The following FAM117B variants were observed in gnomAD, a reference collection of about 807,000 sequenced individuals.
FAM117B encodes the protein protein FAM117B.
FAM117B carries 22 observed loss-of-function variants against 52.8 expected under a neutral mutation model. That is an observed-to-expected ratio of 0.42 (90% confidence interval 0.30 to 0.59). The LOEUF is 0.59. Ranked by LOEUF, FAM117B falls within the 20% of genes least tolerant of loss-of-function variation. The pLI, the probability that FAM117B is intolerant of heterozygous loss-of-function variation, is 0.22. For missense variants in FAM117B, 678 were observed against 802.6 expected, an observed-to-expected ratio of 0.84 and a Z score of 1.88; for synonymous variants, 309 against 324.1, an observed-to-expected ratio of 0.95 and a Z score of 0.50.
intron 2 of FAM117B, among the ~76,000 whole-genome samples, chr2:202,702,346 A>G (rs1690806655): frequency 6.6e-6 from 1 of 152,046 alleles, no homozygotes; most frequent in African/African-American, 2.4e-5. Flanking sequence ...AGCTGAGATC[A>G]CACCATTGCA....
intron 1 of FAM117B, among the ~76,000 whole-genome samples, chr2:202,655,761 A>AGTGTGTGTGTGTGTGTGTGTGTGT (rs1182174843): frequency 2.0e-5 from 2 of 100,372 alleles, no homozygotes; most frequent in African/African-American, 3.4e-5. Flanking sequence ...AGAGAGAGAG[A>AGTGTGTGTGTGTGTGTGTGTGTGT]GTGTGTGTGT....
Position 202,768,943 on chromosome 2 carries a change from GT to G in FAM117B, c.*3182del, listed in dbSNP as rs1392735891. On this transcript the variant is annotated 3_prime_UTR_variant, in exon 8 of 8. Coordinates refer to ENST00000392238, the MANE Select transcript of FAM117B (RefSeq NM_173511.4). ...ATGATAAAAATAATATAAATTTACTGTTTCTGATCATGACTGAGTCTATTAC... is the reference window on the plus strand; with the variant it reads ...ATGATAAAAATAATATAAATTTACTGTTCTGATCATGACTGAGTCTATTAC... 6.6e-6 allele frequency: 1 copy of G among 151,866 alleles called. No individual in the cohort carries two copies. Among genetic ancestry groups the G allele is most frequent in the Admixed American group, 6.6e-5 (1 of 15,240 alleles). The allele number at this position is 151,866 out of a possible 1,614,324, so 9.4% of individuals were successfully genotyped here.
intron 1 of FAM117B, among the ~76,000 whole-genome samples, chr2:202,675,472 C>CAAG (rs1452474701): frequency 9.2e-6 from 1 of 109,002 alleles, no homozygotes; most frequent in Non-Finnish European, 2.0e-5. Context: ...AAAAAAAGGC[C>CAAG]AAGTGCTACC....
Position 202,766,083 on chromosome 2 carries a change from CACACACACACACACACACA to C in FAM117B, c.*320_*338del. The C allele has an allele frequency of 8.6e-6, 2 of 232,744 alleles. No individual in the cohort carries two copies. Among genetic ancestry groups the C allele is most frequent in the South Asian group, 7.3e-5 (1 of 13,754 alleles). The allele number at this position is 232,744 out of a possible 1,614,324, so 14.4% of individuals were successfully genotyped here. A position where few individuals can be genotyped will look rare whatever the true frequency, so the allele number is the denominator to read the frequency against. ...TAAAACACACACACACACACACACA[CACACACACACACACACACA>C]CACACCCCTGATCCTTGCCAACATG... is the stretch of plus-strand genomic sequence containing the variant. On this transcript the variant is annotated 3_prime_UTR_variant, in exon 8 of 8. Transcript: ENST00000392238.
At chr2:202,647,525 G>C (rs981259259) in intron 1 of FAM117B, among the ~76,000 whole-genome samples, 2 of 152,124 alleles carry the variant, frequency 1.3e-5, no homozygotes, top group African/African-American at 4.8e-5. Flanking sequence ...TTTCTTCTTT[G>C]ATCTTGATGC....
chr2:202,638,385 TG>T (rs1239695990), intron 1 of FAM117B, among the ~76,000 whole-genome samples: 3 of 152,142 alleles, frequency 2.0e-5, no homozygotes, highest in Non-Finnish European at 2.9e-5. Context: ...TGAGGAGAAC[TG>T]GGTTGAATTA....
chr2:202,654,480 C>G (rs1385862829), intron 1 of FAM117B, among the ~76,000 whole-genome samples: 2 of 151,978 alleles, frequency 1.3e-5, no homozygotes, highest in Non-Finnish European at 2.9e-5. Flanking sequence ...CTTCAATAAT[C>G]CTGGAAATCT....
intron 7 of FAM117B, among the ~76,000 whole-genome samples, chr2:202,763,073 T>TC (rs1457587088): frequency 3.5e-5 from 5 of 142,860 alleles, no homozygotes; most frequent in African/African-American, 1.1e-4. Context: ...CTTAAGTCTT[T>TC]TTTTTTTTTT....
At chr2:202,672,608 C>T (rs1690315324) in intron 1 of FAM117B, among the ~76,000 whole-genome samples, 1 of 152,200 alleles carries the variant, frequency 6.6e-6, no homozygotes, top group Non-Finnish European at 1.5e-5. Flanking sequence ...TGAAACTTCA[C>T]ATTCTTATAT....
At chr2:202,715,146 C>A (rs1358733074) in intron 2 of FAM117B, among the ~76,000 whole-genome samples, 2 of 150,090 alleles carry the variant, frequency 1.3e-5, no homozygotes, top group African/African-American at 4.9e-5. Flanking sequence ...GACGGGGCGG[C>A]TGGCCGGGCA....
intron 1 of FAM117B, among the ~76,000 whole-genome samples, chr2:202,640,275 AACCACC>A (rs1031219951): frequency 4.7e-5 from 6 of 128,470 alleles, no homozygotes; most frequent in South Asian, 2.5e-4. Context: ...CCGTCACAAC[AACCACC>A]ACCACCACCA....
At chr2:202,742,755 C>T (rs554364563) in intron 4 of FAM117B, among the ~76,000 whole-genome samples, 1 of 151,944 alleles carries the variant, frequency 6.6e-6, no homozygotes, top group African/African-American at 2.4e-5. Context: ...CAACATATAC[C>T]ACAGACACAA....
chr2:202,708,905 C>G (rs1405414204), intron 2 of FAM117B, among the ~76,000 whole-genome samples: 2 of 152,154 alleles, frequency 1.3e-5, no homozygotes, highest in Non-Finnish European at 2.9e-5. Flanking sequence ...TAGGCCCAGC[C>G]AATTTTTAAT....
intron 4 of FAM117B, among the ~76,000 whole-genome samples, chr2:202,740,484 T>G (rs1691516125): frequency 6.6e-6 from 1 of 152,170 alleles, no homozygotes; most frequent in Non-Finnish European, 1.5e-5. Flanking sequence ...TTGCTTTGCA[T>G]TATTACTGTA....
At chr2:202,710,180 G>A (rs1446263747) in intron 2 of FAM117B, among the ~76,000 whole-genome samples, 1 of 152,162 alleles carries the variant, frequency 6.6e-6, no homozygotes, top group East Asian at 1.9e-4. Context: ...GATTTTGATA[G>A]GGATTGCATT....
At chr2:202,742,702 A>G (rs1399155208) in intron 4 of FAM117B, among the ~76,000 whole-genome samples, 1 of 152,240 alleles carries the variant, frequency 6.6e-6, no homozygotes, top group African/African-American at 2.4e-5. Flanking sequence ...GGCAGAAAAC[A>G]TTATAAACCA....
At chr2:202,763,035 T>C (rs1236954141) in intron 7 of FAM117B, among the ~76,000 whole-genome samples, 1 of 150,788 alleles carries the variant, frequency 6.6e-6, no homozygotes. Flanking sequence ...TGAAGTTTCA[T>C]CCCAGAGACC....
intron 2 of FAM117B, among the ~76,000 whole-genome samples, chr2:202,723,797 G>C (rs1182047293): frequency 2.6e-5 from 4 of 152,146 alleles, no homozygotes; most frequent in Admixed American, 2.6e-4. Context: ...TAAATAAGGG[G>C]TTGCTGTGTC....
intron 4 of FAM117B, among the ~76,000 whole-genome samples, chr2:202,734,368 A>G (rs889888196): frequency 1.3e-5 from 2 of 152,204 alleles, no homozygotes; most frequent in Non-Finnish European, 2.9e-5. Context: ...AAAAACAGCA[A>G]CAACAAAAAA....
Sources: gnomAD v4.1 joint callset for allele counts (sites outside exome capture counted in the v4.1 genomes callset) on GRCh38, gnomAD v4.1.1 for gene constraint, MANE v1.5 for transcripts, NCBI Gene and HGNC (gene_info 2026-07-23, HGNC 2026-07-21) for gene names.